The following SLCO6A1 variants were observed in gnomAD, a reference collection of about 807,000 sequenced individuals.
SLCO6A1 encodes solute carrier organic anion transporter family member 6A1, also known as cancer/testis antigen 48.
Under a neutral mutation model 72.7 loss-of-function variants are expected in SLCO6A1, and 65 were observed. The ratio of observed to expected loss-of-function variants is 0.89; its 90% CI spans 0.73 to 1.10. SLCO6A1 has a LOEUF of 1.10. Among genes scored for constraint, SLCO6A1 ranks in the 50% least tolerant of loss-of-function variants. The pLI, the probability that SLCO6A1 is intolerant of heterozygous loss-of-function variation, is 0.00. For synonymous variants in SLCO6A1, 314 were observed against 298.2 expected, an observed-to-expected ratio of 1.05 and a Z score of -0.55; for missense variants, 874 against 872.6, an observed-to-expected ratio of 1.00 and a Z score of -0.02.
rs373302778 is a variant in SLCO6A1 at position 102,480,385 on chromosome 5, T to A, written c.408A>T (p.Glu136Asp). 6.2e-7 allele frequency: 1 copy of A among 1,613,354 alleles called. No homozygotes were observed. Among genetic ancestry groups the A allele is most frequent in the African/African-American group, 1.3e-5 (1 of 74,902 alleles). Residue 136 changes from glutamate to aspartate, a missense_variant, in exon 2 of 14, where the codon GAA (glutamate) becomes GAT (aspartate). Physicochemically the swap from Glu to Asp is conservative, Grantham distance 45. Coordinates refer to ENST00000506729, the MANE Select transcript of SLCO6A1 (RefSeq NM_173488.5). The stretch of plus-strand genomic sequence containing the variant: ...ACTTCTCAATGGTTTTCAGTTGATA[T>A]TCCTTCTGAAAATCGCCAATGCTGA... ...IDVSIGDFQK[E>D]YQLKTIEKLA...
chr5:102,379,659 T>C (rs572125377), intron 12 of SLCO6A1, among the ~76,000 whole-genome samples: 3 of 151,956 alleles, frequency 2.0e-5, no homozygotes, highest in Admixed American at 6.6e-5. Context: ...TATAGCTCTA[T>C]AATAGGTTTT....
intron 7 of SLCO6A1, among the ~76,000 whole-genome samples, chr5:102,424,517 C>A (rs953101618): frequency 5.9e-5 from 9 of 152,102 alleles, no homozygotes; most frequent in African/African-American, 1.9e-4. Context: ...AGTAGAAAAT[C>A]GAGAATAAAC....
chr5:102,491,303 A>G (rs905660592), intron 1 of SLCO6A1, among the ~76,000 whole-genome samples: 22 of 152,272 alleles, frequency 1.4e-4, no homozygotes, highest in African/African-American at 4.3e-4. Context: ...AGTTCCCACC[A>G]GACTCAGGAG....
At chr5:102,427,845 C>T (rs2400743) in intron 7 of SLCO6A1, among the ~76,000 whole-genome samples, 15,603 of 73,176 alleles carry the variant, frequency 0.21, 1,374 homozygotes, top group South Asian at 0.22. Flanking sequence ...TGTATGTATA[C>T]ATATATATAT....
intron 10 of SLCO6A1, among the ~76,000 whole-genome samples, chr5:102,396,626 T>C (rs1196680820): frequency 6.6e-6 from 1 of 152,174 alleles, no homozygotes; most frequent in Non-Finnish European, 1.5e-5. Context: ...TTTGTTCAAG[T>C]CAGACTGCTT....
At chr5:102,395,764 T>C (rs1561426116) in intron 10 of SLCO6A1, among the ~76,000 whole-genome samples, 1 of 152,144 alleles carries the variant, frequency 6.6e-6, no homozygotes, top group Non-Finnish European at 1.5e-5. Context: ...CTCACTGTGG[T>C]TTTGATTTGC....
chr5:102,439,155 T>G (rs1187329510), intron 6 of SLCO6A1, among the ~76,000 whole-genome samples: 1 of 151,962 alleles, frequency 6.6e-6, no homozygotes, highest in African/African-American at 2.4e-5. Flanking sequence ...TCTTTTTTAT[T>G]CAACTAAAAC....
intron 8 of SLCO6A1, among the ~76,000 whole-genome samples, chr5:102,419,173 T>C (rs1748451493): frequency 6.6e-6 from 1 of 152,200 alleles, no homozygotes; most frequent in Admixed American, 6.5e-5. Context: ...AAATTCCTAG[T>C]TGCCTAAATA....
chr5:102,468,698 C>G (rs1018546548), intron 4 of SLCO6A1, among the ~76,000 whole-genome samples: 1 of 151,956 alleles, frequency 6.6e-6, no homozygotes, highest in Non-Finnish European at 1.5e-5. Context: ...TTCTTCTACC[C>G]TTTTACTTTA....
intron 1 of SLCO6A1, among the ~76,000 whole-genome samples, chr5:102,496,778 A>C (rs972091902): frequency 3.3e-5 from 5 of 152,074 alleles, no homozygotes; most frequent in Admixed American, 3.3e-4. Context: ...AAATATAATT[A>C]CCCCCTTATG....
intron 8 of SLCO6A1, among the ~76,000 whole-genome samples, chr5:102,415,905 T>C (rs930666467): frequency 2.0e-5 from 3 of 151,964 alleles, no homozygotes; most frequent in African/African-American, 7.2e-5. Context: ...ATGACATGAA[T>C]AAACATTTTT....
intron 7 of SLCO6A1, among the ~76,000 whole-genome samples, chr5:102,438,143 C>A (rs911971824): frequency 4.6e-5 from 7 of 151,748 alleles, no homozygotes; most frequent in Non-Finnish European, 1.0e-4. Flanking sequence ...AATACATAAA[C>A]AATAGTATAC....
chr5:102,437,423 G>A (rs910428545), intron 7 of SLCO6A1, among the ~76,000 whole-genome samples: 7 of 152,110 alleles, frequency 4.6e-5, no homozygotes, highest in African/African-American at 1.7e-4. Flanking sequence ...GCTAGATCCA[G>A]GAGCTTGAGG....
At chr5:102,475,857 A>G in intron 3 of SLCO6A1, 64 bp from the exon 4 acceptor site, 1 of 1,194,790 alleles carries the variant, frequency 8.4e-7, no homozygotes, top group Non-Finnish European at 1.2e-6. Flanking sequence ...TTATGATAAA[A>G]ATTGACTGAA....
intron 1 of SLCO6A1, among the ~76,000 whole-genome samples, chr5:102,485,852 A>C (rs940353584): frequency 1.3e-5 from 2 of 152,216 alleles, no homozygotes; most frequent in Non-Finnish European, 2.9e-5. Context: ...CATAGTTAAT[A>C]AATTTGAAGT....
chr5:102,492,773 G>A (rs918767264), intron 1 of SLCO6A1, among the ~76,000 whole-genome samples: 4 of 152,176 alleles, frequency 2.6e-5, no homozygotes, highest in African/African-American at 9.7e-5. Context: ...CCATGCCCAC[G>A]AAGCCTCACT....
intron 12 of SLCO6A1, among the ~76,000 whole-genome samples, chr5:102,379,964 T>C (rs1746020095): frequency 6.6e-6 from 1 of 151,920 alleles, no homozygotes; most frequent in South Asian, 2.1e-4. Context: ...AATTTTTTAT[T>C]GCTATTTGAT....
In SLCO6A1 at chr5:102,450,472, C is replaced by T. The variant is rs1348770945; in HGVS notation, c.1131+7910G>A. Among the ~76,000 whole-genome samples, 5 of 152,308 alleles carry T rather than the reference C, an allele frequency of 3.3e-5. No individual in the cohort carries two copies. In the East Asian group the frequency reaches 7.7e-4, roughly 24 times the overall value. Reference sequence around the variant, plus strand: ...AAGCATCATGGCCAGTAGGTGGGCTCTTGCTCAGCCATGCAGCACCTCTGT... The same window carrying T: ...AAGCATCATGGCCAGTAGGTGGGCTTTTGCTCAGCCATGCAGCACCTCTGT... On this transcript the variant is annotated intron_variant, in intron 6 of 13. Transcript: ENST00000506729.
intron 7 of SLCO6A1, among the ~76,000 whole-genome samples, chr5:102,428,240 TAATAAA>T (rs1385472343): frequency 6.6e-6 from 1 of 151,802 alleles, no homozygotes; most frequent in Admixed American, 6.6e-5. Flanking sequence ...GAAAAAAAGA[TAATAAA>T]AATAAATAAG....
Sources: allele counts gnomAD v4.1 joint callset (sites outside exome capture counted in the v4.1 genomes callset), GRCh38; gene constraint gnomAD v4.1.1; transcripts MANE v1.5; gene names NCBI Gene and HGNC (gene_info 2026-07-23, HGNC 2026-07-21).